DSCAM: variants seen among roughly 807,000 people sequenced by gnomAD.
The protein encoded by DSCAM is DS cell adhesion molecule.
DSCAM carries 47 observed loss-of-function variants against 217.7 expected under a neutral mutation model. The ratio of observed to expected loss-of-function variants is 0.22; its 90% CI spans 0.17 to 0.28. The LOEUF (loss-of-function observed/expected upper bound fraction) is 0.28. DSCAM is among the 10% of genes least tolerant of loss of function. DSCAM has a pLI of 1.00. For synonymous variants in DSCAM, 1,056 were observed against 1,015.3 expected, an observed-to-expected ratio of 1.04 and a Z score of -0.76; for missense variants, 2,080 against 2,618.3, an observed-to-expected ratio of 0.79 and a Z score of 4.49.
chr21:40,498,515 A>G (rs2076137229), intron 3 of DSCAM, among the ~76,000 whole-genome samples: 1 of 151,330 alleles, frequency 6.6e-6, no homozygotes, highest in South Asian at 2.1e-4. Context: ...GATTATAAAA[A>G]CAGCTGCCTG....
chr21:40,476,547 T>C (rs1301591674), intron 3 of DSCAM, among the ~76,000 whole-genome samples: 1 of 152,214 alleles, frequency 6.6e-6, no homozygotes, highest in Non-Finnish European at 1.5e-5. Context: ...GCTCACAACC[T>C]TATCAGCTAA....
intron 3 of DSCAM, among the ~76,000 whole-genome samples, chr21:40,615,991 AACAC>A (rs149839230): frequency 1.1e-4 from 16 of 151,062 alleles, no homozygotes; most frequent in Non-Finnish European, 2.2e-4. Flanking sequence ...AATCAAATCA[AACAC>A]ACACACACAC....
intron 3 of DSCAM, among the ~76,000 whole-genome samples, chr21:40,459,403 T>C (rs1365502057): frequency 6.6e-6 from 1 of 152,186 alleles, no homozygotes; most frequent in East Asian, 1.9e-4. Context: ...AATAAAAAGT[T>C]CATGAGAACC....
chr21:40,827,658 G>T (rs1434702228), intron 1 of DSCAM, among the ~76,000 whole-genome samples: 1 of 152,146 alleles, frequency 6.6e-6, no homozygotes, highest in African/African-American at 2.4e-5. Flanking sequence ...TAATCGAAGT[G>T]TGTACAGACC....
chr21:40,457,939 A>G (rs539403454), intron 3 of DSCAM, among the ~76,000 whole-genome samples: 1 of 152,352 alleles, frequency 6.6e-6, no homozygotes, highest in East Asian at 1.9e-4. Flanking sequence ...ATGGCCCTTT[A>G]TGATGAGTAA....
intron 3 of DSCAM, among the ~76,000 whole-genome samples, chr21:40,434,536 G>GACAC (rs1194982023): frequency 6.6e-6 from 1 of 152,144 alleles, no homozygotes; most frequent in Non-Finnish European, 1.5e-5. Context: ...GGGGGCTGGG[G>GACAC]ACACAGGCTG....
chr21:40,124,355 A>T, intron 19 of DSCAM, 27 bp from the exon 20 acceptor site: 1 of 1,612,364 alleles, frequency 6.2e-7, no homozygotes, highest in Non-Finnish European at 8.5e-7. Context: ...TTTAGTCACA[A>T]GGTGGGGCCT....
intron 3 of DSCAM, among the ~76,000 whole-genome samples, chr21:40,485,403 C>A (rs1009736460): frequency 2.6e-5 from 4 of 151,820 alleles, no homozygotes; most frequent in African/African-American, 9.7e-5. Flanking sequence ...CCACCGCGCC[C>A]GGCTAATTTT....
At chr21:40,609,468 T>C (rs1290571691) in intron 3 of DSCAM, among the ~76,000 whole-genome samples, 1 of 152,204 alleles carries the variant, frequency 6.6e-6, no homozygotes, top group Non-Finnish European at 1.5e-5. Context: ...TTCTGTCTCC[T>C]TTGCCTGGCT....
At chr21:40,722,221 TAAA>T (rs2090909189) in intron 1 of DSCAM, among the ~76,000 whole-genome samples, 1 of 152,076 alleles carries the variant, frequency 6.6e-6, no homozygotes, top group African/African-American at 2.4e-5. Flanking sequence ...TGTGACTTCA[TAAA>T]GAAATGAAGA....
chr21:40,050,357 T>A (rs1426273236), intron 30 of DSCAM, among the ~76,000 whole-genome samples: 1 of 152,210 alleles, frequency 6.6e-6, no homozygotes, highest in Non-Finnish European at 1.5e-5. Flanking sequence ...TATCTGTAAC[T>A]TTTTCTGATT....
intron 1 of DSCAM, among the ~76,000 whole-genome samples, chr21:40,831,988 A>C (rs1350674473): frequency 6.6e-6 from 1 of 152,228 alleles, no homozygotes. Context: ...AGATTTAAAG[A>C]CTGTGACACC....
chr21:40,387,646 C>G (rs942066565), intron 3 of DSCAM, among the ~76,000 whole-genome samples: 2 of 152,136 alleles, frequency 1.3e-5, no homozygotes, highest in African/African-American at 2.4e-5. Context: ...CTTGAGCTTC[C>G]AGTACCAAAC....
chr21:40,230,235 T>A (rs2091369557), intron 11 of DSCAM, among the ~76,000 whole-genome samples: 1 of 152,250 alleles, frequency 6.6e-6, no homozygotes, highest in African/African-American at 2.4e-5. Flanking sequence ...TATCTGCTTT[T>A]GTTTTCTGTA....
At chr21:40,245,985 T>C (rs2073218841) in intron 11 of DSCAM, among the ~76,000 whole-genome samples, 2 of 152,084 alleles carry the variant, frequency 1.3e-5, no homozygotes, top group East Asian at 3.9e-4. Context: ...AAACTACCCA[T>C]CAGATTTTTG....
intron 1 of DSCAM, among the ~76,000 whole-genome samples, chr21:40,808,172 T>A (rs1265903936): frequency 1.3e-5 from 2 of 150,998 alleles, no homozygotes; most frequent in Non-Finnish European, 1.5e-5. Context: ...TCAATGTTCC[T>A]CAAAGGGTCA....
intron 17 of DSCAM, 39 bp from the exon 18 acceptor site, chr21:40,142,743 G>T: frequency 6.4e-7 from 1 of 1,570,904 alleles, no homozygotes; most frequent in Non-Finnish European, 8.6e-7. Context: ...AACTGTGGGT[G>T]GTTTATGAGC....
chr21:40,170,551 A>G (rs1601405716), intron 15 of DSCAM, among the ~76,000 whole-genome samples: 1 of 152,164 alleles, frequency 6.6e-6, no homozygotes, highest in African/African-American at 2.4e-5. Context: ...AATGGCTTCC[A>G]GCTAATGGTG....
At chr21:40,470,200 A>T (rs1290079594) in intron 3 of DSCAM, among the ~76,000 whole-genome samples, 1 of 152,274 alleles carries the variant, frequency 6.6e-6, no homozygotes, top group Admixed American at 6.5e-5. Context: ...AAATTGTGTA[A>T]CTTAATACAC....
Sources: allele counts gnomAD v4.1 joint callset (sites outside exome capture counted in the v4.1 genomes callset), GRCh38; gene constraint gnomAD v4.1.1; transcripts MANE v1.5; gene names NCBI Gene and HGNC (gene_info 2026-07-23, HGNC 2026-07-21).